UNC5D: variants seen among roughly 807,000 people sequenced by gnomAD.
The protein encoded by UNC5D is unc-5 netrin receptor D.
A neutral mutation model predicts 105.4 loss-of-function variants in UNC5D; 39 were observed. The ratio of observed to expected loss-of-function variants is 0.37; its 90% CI spans 0.29 to 0.48. UNC5D has a LOEUF of 0.48. Among genes scored for constraint, UNC5D ranks in the 20% least tolerant of loss-of-function variants. The pLI is 0.98. For synonymous variants in UNC5D, 452 were observed against 450.4 expected, an observed-to-expected ratio of 1.00 and a Z score of -0.04; for missense variants, 991 against 1,202.4, an observed-to-expected ratio of 0.82 and a Z score of 2.60.
intron 1 of UNC5D, among the ~76,000 whole-genome samples, chr8:35,364,184 C>T (rs1801990151): frequency 6.6e-6 from 1 of 152,110 alleles, no homozygotes; most frequent in Non-Finnish European, 1.5e-5. Context: ...ACTAATTAGA[C>T]AAATAAATAA....
intron 16 of UNC5D, among the ~76,000 whole-genome samples, chr8:35,787,682 A>G (rs1044768897): frequency 6.6e-6 from 1 of 152,110 alleles, no homozygotes; most frequent in African/African-American, 2.4e-5. Flanking sequence ...CAGTGGTACA[A>G]TCATAGCTCT....
chr8:35,554,769 T>C (rs1164394979), intron 2 of UNC5D, among the ~76,000 whole-genome samples: 1 of 152,188 alleles, frequency 6.6e-6, no homozygotes, highest in African/African-American at 2.4e-5. Context: ...CTCAGAGATA[T>C]CGAATTCTAA....
intron 1 of UNC5D, among the ~76,000 whole-genome samples, chr8:35,515,559 C>G (rs547434634): frequency 5.4e-4 from 82 of 152,212 alleles, no homozygotes; most frequent in African/African-American, 1.8e-3. Context: ...GTGGTGTGCA[C>G]CTGTAATCCC....
At chr8:35,699,367 T>A (rs901045519) in intron 7 of UNC5D, among the ~76,000 whole-genome samples, 4 of 152,200 alleles carry the variant, frequency 2.6e-5, no homozygotes, top group Non-Finnish European at 5.9e-5. Flanking sequence ...AGAAGTGACA[T>A]CCTTGAGCCA....
intron 1 of UNC5D, among the ~76,000 whole-genome samples, chr8:35,312,930 G>T (rs1452043627): frequency 6.6e-6 from 1 of 152,294 alleles, no homozygotes; most frequent in Middle Eastern, 3.4e-3. Context: ...TACCAGCGGA[G>T]AATTAGCTGC....
intron 1 of UNC5D, among the ~76,000 whole-genome samples, chr8:35,520,685 A>G (rs1266578386): frequency 6.6e-6 from 1 of 152,130 alleles, no homozygotes; most frequent in Non-Finnish European, 1.5e-5. Context: ...ATGTATACCC[A>G]TGTGATAAAA....
At position 35,792,052 on chromosome 8, in the gene UNC5D, A is replaced by C. The variant is rs1471769812; in HGVS notation, c.*1489A>C. On this transcript the variant is annotated 3_prime_UTR_variant, in exon 17 of 17. Transcript: ENST00000404895. ...AGGACAACCAAAGTCAAGGACCCAG[A>C]TGAACCACAAGGCAGCTAGTCAGCT... 6.6e-6 allele frequency: 1 copy of C among 152,166 alleles called. No individual in the cohort carries two copies. Among genetic ancestry groups the C allele is most frequent in the Non-Finnish European group, 1.5e-5 (1 of 68,028 alleles). 9.4% of individuals were successfully genotyped at this position (152,166 alleles called of 1,614,324 possible).
chr8:35,724,809 G>T (rs566846322), intron 9 of UNC5D, among the ~76,000 whole-genome samples: 2 of 152,220 alleles, frequency 1.3e-5, no homozygotes, highest in East Asian at 1.9e-4. Flanking sequence ...GATGGGTTTT[G>T]GTCCTGCTTC....
chr8:35,343,112 C>T (rs1212766898), intron 1 of UNC5D, among the ~76,000 whole-genome samples: 1 of 152,064 alleles, frequency 6.6e-6, no homozygotes, highest in Non-Finnish European at 1.5e-5. Context: ...CTAGGTGATA[C>T]TGACACTGCT....
At chr8:35,618,729 A>C (rs1053425132) in intron 4 of UNC5D, among the ~76,000 whole-genome samples, 1 of 152,182 alleles carries the variant, frequency 6.6e-6, no homozygotes, top group African/African-American at 2.4e-5. Flanking sequence ...AGGTTAAGTA[A>C]CTTCCCCAAA....
Position 35,495,443 on chromosome 8 carries a change from GAAC to G in UNC5D, c.104-53834_104-53832del, listed in dbSNP as rs1359543752. Among the ~76,000 whole-genome samples the G allele has an allele frequency of 3.2e-3, 212 of 66,378 alleles. 9 individuals carry two copies. The highest frequency in any genetic ancestry group is 7.8e-3 in the East Asian group (19 of 2,446). 43.5% of individuals were successfully genotyped at this position (66,378 alleles called of 152,430 possible). Reference sequence around the variant, plus strand: ...ATAAAATACACTAGTGAAAGCTGATGAACAACAACAACAACAAAAAAAAAAAAA... The same window carrying G: ...ATAAAATACACTAGTGAAAGCTGATGAACAACAACAACAAAAAAAAAAAAA... On this transcript the variant is annotated intron_variant, in intron 1 of 16. Coordinates refer to ENST00000404895, the MANE Select transcript of UNC5D (RefSeq NM_080872.4).
chr8:35,400,246 A>G (rs1321707636), intron 1 of UNC5D, among the ~76,000 whole-genome samples: 2 of 151,998 alleles, frequency 1.3e-5, no homozygotes, highest in Non-Finnish European at 2.9e-5. Context: ...AACGGAAAAA[A>G]TGCTGATATA....
At chr8:35,260,034 T>G (rs1335576423) in intron 1 of UNC5D, among the ~76,000 whole-genome samples, 1 of 152,220 alleles carries the variant, frequency 6.6e-6, no homozygotes, top group African/African-American at 2.4e-5. Flanking sequence ...AGAAAACGAC[T>G]GCCTCCTTCT....
chr8:35,381,205 C>T (rs1043197189), intron 1 of UNC5D, among the ~76,000 whole-genome samples: 3 of 152,046 alleles, frequency 2.0e-5, no homozygotes, highest in African/African-American at 7.2e-5. Flanking sequence ...GAAGAGAAAA[C>T]GTCTAGGAAT....
intron 4 of UNC5D, among the ~76,000 whole-genome samples, chr8:35,602,418 C>T (rs1819950818): frequency 6.6e-6 from 1 of 152,120 alleles, no homozygotes; most frequent in African/African-American, 2.4e-5. Context: ...GGCCATAAAT[C>T]CATCTGGTCC....
intron 4 of UNC5D, among the ~76,000 whole-genome samples, chr8:35,660,049 C>G (rs1270064009): frequency 6.6e-6 from 1 of 152,144 alleles, no homozygotes; most frequent in Non-Finnish European, 1.5e-5. Flanking sequence ...CCATTTTTGC[C>G]TGAAATTTCA....
intron 1 of UNC5D, among the ~76,000 whole-genome samples, chr8:35,458,714 T>G (rs1389569838): frequency 6.6e-6 from 1 of 152,150 alleles, no homozygotes; most frequent in Non-Finnish European, 1.5e-5. Context: ...ACCATGCAAG[T>G]AACCTTTTTA....
intron 1 of UNC5D, among the ~76,000 whole-genome samples, chr8:35,486,415 G>C (rs913802138): frequency 2.0e-5 from 3 of 152,076 alleles, no homozygotes; most frequent in African/African-American, 7.2e-5. Flanking sequence ...GCCCAAGGAA[G>C]GGTTCAGTCT....
Position 35,431,685 on chromosome 8 carries a change from CAT to C in UNC5D, c.104-117602_104-117601del, listed in dbSNP as rs1256808908. Among the ~76,000 whole-genome samples, 14 of 152,154 alleles carry C rather than the reference CAT, an allele frequency of 9.2e-5. 1 individual carries two copies. Among genetic ancestry groups the C allele is most frequent in the African/African-American group, 3.4e-4 (14 of 41,542 alleles). On this transcript the variant is annotated intron_variant, in intron 1 of 16. Coordinates refer to ENST00000404895, the MANE Select transcript of UNC5D (RefSeq NM_080872.4). The stretch of plus-strand genomic sequence containing the variant: ...AAAACACAAATATTATATATACCAA[CAT>C]ATATTTTATGGACAAAGTACAACAA...
Sources: allele counts gnomAD v4.1 joint callset (sites outside exome capture counted in the v4.1 genomes callset), GRCh38; gene constraint gnomAD v4.1.1; transcripts MANE v1.5; gene names NCBI Gene and HGNC (gene_info 2026-07-23, HGNC 2026-07-21).